Variants in PKD1L1 observed in about 807,000 individuals in gnomAD.
PKD1L1 encodes the protein polycystin 1 like 1, transient receptor potential channel interacting, also known as polycystin-1-like protein 1.
Under a neutral mutation model 323.4 loss-of-function variants are expected in PKD1L1, and 236 were observed. The ratio of observed to expected loss-of-function variants is 0.73; its 90% CI spans 0.66 to 0.81. The LOEUF is 0.81. Ranked by LOEUF, PKD1L1 falls within the 40% of genes least tolerant of loss-of-function variation. PKD1L1 has a pLI of 0.00. For missense variants in PKD1L1, 3,320 were observed against 3,508.0 expected (o/e 0.95, Z 1.35); for synonymous variants, 1,344 against 1,335.0 (o/e 1.01, Z -0.15).
At position 47,905,333 on chromosome 7, in the gene PKD1L1, A is replaced by G. The variant is rs1186568156; in HGVS notation, c.1523-8T>C. ...TTGTGTAGACAGAGACGGCTGTGGCAAAAGAAAGGAAGGTATGTCTATGTC... is the reference window on the plus strand; with the variant it reads ...TTGTGTAGACAGAGACGGCTGTGGCGAAAGAAAGGAAGGTATGTCTATGTC... On this transcript the variant is annotated splice_region_variant and splice_polypyrimidine_tract_variant and intron_variant, in intron 10 of 56. Transcript: ENST00000289672. 6.2e-7 allele frequency: 1 copy of G among 1,612,930 alleles called. No individual in the cohort carries two copies. Among genetic ancestry groups the G allele is most frequent in the Non-Finnish European group, 8.5e-7 (1 of 1,179,496 alleles).
chr7:47,943,497 G>A lies in PKD1L1; in HGVS notation c.59C>T (p.Ala20Val). Reference protein sequence around the residue: ...SDDQERCLQAACCLSFGGELS... With the variant: ...SDDQERCLQAVCCLSFGGELS... Reference sequence around the variant, plus strand: ...CTCACCACCAAAGGAAAGGCAGCAGGCAGCCTGGAGACACCTAAGGGAAAG... The same window carrying A: ...CTCACCACCAAAGGAAAGGCAGCAGACAGCCTGGAGACACCTAAGGGAAAG... The change falls in exon 2 of 57, where the codon GCC (alanine) becomes GTC (valine). Residue 20 changes from alanine (A) to valine (V), a missense_variant. Physicochemically the swap from Ala to Val is moderately conservative, Grantham distance 64 (BLOSUM62 0). Coordinates refer to ENST00000289672, the MANE Select transcript of PKD1L1 (RefSeq NM_138295.5). The A allele has an allele frequency of 6.2e-7, 1 of 1,612,636 alleles. No individual in the cohort carries two copies.
Position 47,866,409 on chromosome 7 carries a change from T to C in PKD1L1, c.4092+10A>G, listed in dbSNP as rs1320089783. On this transcript the variant is annotated intron_variant, in intron 25 of 56. Transcript: ENST00000289672. The stretch of plus-strand genomic sequence containing the variant: ...TACAGACACTAAACTCACCCTCCTC[T>C]GAGCCATACCTGATCTACAAAAGCC... 1 of 1,611,126 alleles carries C rather than the reference T, an allele frequency of 6.2e-7. No homozygotes were observed. Among genetic ancestry groups the C allele is most frequent in the Non-Finnish European group, 8.5e-7 (1 of 1,178,904 alleles).
In PKD1L1 at chr7:47,857,792, T is replaced by C. The variant is rs1356069064; in HGVS notation, c.4403A>G (p.Glu1468Gly). The C allele has an allele frequency of 1.2e-6, 2 of 1,614,148 alleles. No homozygotes were observed. Among genetic ancestry groups the C allele is most frequent in the Non-Finnish European group, 1.7e-6 (2 of 1,180,028 alleles). The change falls in exon 28 of 57, where the codon GAG becomes GGG. Residue 1468 changes from glutamate (E) to glycine (G), a missense_variant. By Grantham distance (98) the Glu-to-Gly change is moderately conservative. Transcript: ENST00000289672. ...GTTGTAATGAAGAAGGGTCCGGAACTCCATCTGCCCAGTGCTAACATGGTT... is the reference window on the plus strand; with the variant it reads ...GTTGTAATGAAGAAGGGTCCGGAACCCCATCTGCCCAGTGCTAACATGGTT... ...SLNHVSTGQM[E>G]FRTLLHYNLQ... is the part of the protein sequence containing the mutation.
intron 56 of PKD1L1, among the ~76,000 whole-genome samples, chr7:47,778,720 G>T (rs1471260654): frequency 6.6e-6 from 1 of 152,174 alleles, no homozygotes; most frequent in African/African-American, 2.4e-5. Flanking sequence ...ATCTTTGTAT[G>T]AGTTTCTTAG....
chr7:47,857,628 GAT>G lies in PKD1L1; in HGVS notation c.4565_4566del (p.Tyr1522SerfsTer47), dbSNP rs1215776518. ...SQLILFKKNP[Y>X]PGSQAPGQIG... ...ACCTGCCCAGGAGCTTGGCTCCCTG[GAT>G]ATGGGTTCTTCTTGAAGAGTATGAG... On this transcript the variant is annotated frameshift_variant, in exon 28 of 57. Coordinates refer to ENST00000289672, the MANE Select transcript of PKD1L1 (RefSeq NM_138295.5). LOFTEE classifies it high-confidence loss of function. The G allele has an allele frequency of 6.2e-7, 1 of 1,614,184 alleles. No individual in the cohort carries two copies. Among genetic ancestry groups the G allele is most frequent in the Non-Finnish European group, 8.5e-7 (1 of 1,180,024 alleles).
intron 56 of PKD1L1, among the ~76,000 whole-genome samples, chr7:47,778,335 C>A (rs2128720680): frequency 6.6e-6 from 1 of 152,160 alleles, no homozygotes; most frequent in South Asian, 2.1e-4. Context: ...GACTCCGGGG[C>A]AAAGACCTTC....
rs143291392 is a variant in PKD1L1 at position 47,798,254 on chromosome 7, A to C, written c.8194-2104T>G. ...ATCAATGGAGTAGAATAGAGAACCCAGATATAGATCCACACAGATACAGTC... is the reference window on the plus strand; with the variant it reads ...ATCAATGGAGTAGAATAGAGAACCCCGATATAGATCCACACAGATACAGTC... On this transcript the variant is annotated intron_variant, in intron 54 of 56. Coordinates refer to ENST00000289672, the MANE Select transcript of PKD1L1 (RefSeq NM_138295.5). Among the ~76,000 whole-genome samples the C allele has an allele frequency of 3.1e-3, 468 of 152,258 alleles. 3 individuals carry two copies. The highest frequency in any genetic ancestry group is 0.01 in the African/African-American group (432 of 41,540).
chr7:47,876,968 T>TG (rs1786418496), intron 22 of PKD1L1, among the ~76,000 whole-genome samples: 1 of 151,998 alleles, frequency 6.6e-6, no homozygotes, highest in Non-Finnish European at 1.5e-5. Flanking sequence ...TTAGTAGAGA[T>TG]GGGGTTTCAC....
At chr7:47,831,045 G>A (rs577332756) in intron 42 of PKD1L1, among the ~76,000 whole-genome samples, 172 bp downstream of exon 42, 1 of 152,300 alleles carries the variant, frequency 6.6e-6, no homozygotes, top group East Asian at 1.9e-4. Context: ...TTTGGGATCT[G>A]CATAGGATTT....
chr7:47,827,250 CAGG>C lies in PKD1L1; in HGVS notation c.6854+97_6854+99del, dbSNP rs1365148657. 11 of 1,100,070 alleles carry C rather than the reference CAGG, an allele frequency of 1.0e-5. No individual in the cohort carries two copies. The East Asian group carries it at 1.8e-4, about 18-fold the overall frequency. The allele number at this position is 1,100,070 out of a possible 1,614,324, so 68.1% of individuals were successfully genotyped here. On this transcript the variant is annotated intron_variant, in intron 45 of 56. Transcript: ENST00000289672. The stretch of plus-strand genomic sequence containing the variant: ...TCCCCACCTCCACTCCCCACTCCTC[CAGG>C]AGAACAATCTCCCAGGAGGACCAGC...
At chr7:47,856,099 G>A (rs1201085714) in intron 28 of PKD1L1, among the ~76,000 whole-genome samples, 1 of 151,878 alleles carries the variant, frequency 6.6e-6, no homozygotes, top group Non-Finnish European at 1.5e-5. Flanking sequence ...GTGCAGTGGT[G>A]TGATCTCAGC....
chr7:47,910,273 C>T lies in PKD1L1; in HGVS notation c.1229-2023G>A, dbSNP rs151038315. Among the ~76,000 whole-genome samples the T allele has an allele frequency of 5.5e-4, 83 of 151,768 alleles. 2 individuals carry two copies. Among genetic ancestry groups the T allele is most frequent in the East Asian group, 1.9e-4 (1 of 5,190 alleles). Reference sequence around the variant, plus strand: ...ATATAATAGTTAAGAATACACTCCACGGACTCAGAGGAATTTGGCATTGGA... The same window carrying T: ...ATATAATAGTTAAGAATACACTCCATGGACTCAGAGGAATTTGGCATTGGA... On this transcript the variant is annotated intron_variant, in intron 8 of 56. Coordinates refer to ENST00000289672, the MANE Select transcript of PKD1L1 (RefSeq NM_138295.5).
intron 17 of PKD1L1, among the ~76,000 whole-genome samples, chr7:47,887,085 A>G (rs76492067): frequency 0.045 from 6,895 of 152,328 alleles, 374 homozygotes; most frequent in African/African-American, 0.14. Context: ...TCTATTCAGC[A>G]TGGGCTCTGA....
chr7:47,812,578 TG>T (rs1442156786), intron 49 of PKD1L1, among the ~76,000 whole-genome samples: 2 of 152,198 alleles, frequency 1.3e-5, no homozygotes, highest in Non-Finnish European at 2.9e-5. Flanking sequence ...GTGTTACCAC[TG>T]GGTCAGCACA....
At chr7:47,935,563 G>C (rs1787852422) in intron 4 of PKD1L1, among the ~76,000 whole-genome samples, 1 of 152,226 alleles carries the variant, frequency 6.6e-6, no homozygotes, top group South Asian at 2.1e-4. Context: ...TGCAATGGGG[G>C]GGAACACAGT....
chr7:47,865,728 C>T (rs990711586), intron 25 of PKD1L1, among the ~76,000 whole-genome samples: 11 of 151,340 alleles, frequency 7.3e-5, no homozygotes, highest in African/African-American at 1.7e-4. Flanking sequence ...TGGGACTACA[C>T]GCGCCTGCCA....
chr7:47,925,573 G>A (rs568971503), intron 7 of PKD1L1, among the ~76,000 whole-genome samples: 2 of 152,210 alleles, frequency 1.3e-5, no homozygotes, highest in East Asian at 3.9e-4. Context: ...GCATTCCAAA[G>A]TTAACCTGAA....
In PKD1L1 at chr7:47,936,822, T is replaced by C. The variant is rs1238664284; in HGVS notation, c.398+24A>G. On this transcript the variant is annotated intron_variant, in intron 4 of 56. Transcript: ENST00000289672. ...CATTTGCATGTTCAGAAAAGCAATATTTCGCCATGGTACATTGACATACCT... is the reference window on the plus strand; with the variant it reads ...CATTTGCATGTTCAGAAAAGCAATACTTCGCCATGGTACATTGACATACCT... 7 of 1,520,576 alleles carry C rather than the reference T, an allele frequency of 4.6e-6. 1 individual carries two copies. In the South Asian group the frequency reaches 8.3e-5, roughly 18 times the overall value. 94.2% of individuals were successfully genotyped at this position (1,520,576 alleles called of 1,614,324 possible). A position where few individuals can be genotyped will look rare whatever the true frequency, so the allele number is the denominator to read the frequency against.
chr7:47,864,877 G>A (rs545915131), intron 26 of PKD1L1, among the ~76,000 whole-genome samples: 7 of 151,806 alleles, frequency 4.6e-5, no homozygotes, highest in African/African-American at 9.7e-5. Flanking sequence ...ACAGGTGCGC[G>A]CCACCATGCC....
Sources: allele counts gnomAD v4.1 joint callset (sites outside exome capture counted in the v4.1 genomes callset), GRCh38; gene constraint gnomAD v4.1.1; transcripts MANE v1.5; gene names NCBI Gene and HGNC (gene_info 2026-07-23, HGNC 2026-07-21).